Variants in GALNT10 observed in about 807,000 individuals in gnomAD.
GALNT10 encodes the protein GalNAc transferase 10.
A neutral mutation model predicts 75.0 loss-of-function variants in GALNT10; 41 were observed. The observed-to-expected ratio is 0.55, with a 90% CI of 0.43 to 0.71. GALNT10 has a LOEUF of 0.71. GALNT10 is among the 30% of genes least tolerant of loss of function. GALNT10 has a pLI of 0.00. For missense variants in GALNT10, 727 were observed against 818.5 expected, an observed-to-expected ratio of 0.89 and a Z score of 1.36; for synonymous variants, 302 against 313.0, an observed-to-expected ratio of 0.96 and a Z score of 0.37.
At chr5:154,230,692 T>C (rs1753137248) in intron 1 of GALNT10, among the ~76,000 whole-genome samples, 1 of 152,224 alleles carries the variant, frequency 6.6e-6, no homozygotes, top group African/African-American at 2.4e-5. Flanking sequence ...GGGCTCAAGA[T>C]GTGCCTCTGA....
Position 154,193,156 on chromosome 5 carries a change from G to A in GALNT10, c.159+2131G>A, listed in dbSNP as rs74584133. Among the ~76,000 whole-genome samples, 1,243 of 151,984 alleles carry A rather than the reference G, an allele frequency of 8.2e-3. 26 individuals are homozygous for A. The highest frequency in any genetic ancestry group is 0.029 in the African/African-American group (1,201 of 41,412). ...AGGAAGAAGTGGTGAAGGGGGTTTG[G>A]GGGTTTGGGGGGAATACCAACTGAT... On this transcript the variant is annotated intron_variant, in intron 1 of 11. Coordinates refer to ENST00000297107, the MANE Select transcript of GALNT10 (RefSeq NM_198321.4).
rs1201922439 is a variant in GALNT10, at chr5:154,417,828, C to T, written c.*856C>T. 1 of 152,224 alleles carries T rather than the reference C, an allele frequency of 6.6e-6. No homozygotes were observed. Among genetic ancestry groups the T allele is most frequent in the African/African-American group, 2.4e-5 (1 of 41,432 alleles). 9.4% of individuals were successfully genotyped at this position (152,224 alleles called of 1,614,324 possible). On this transcript the variant is annotated 3_prime_UTR_variant, in exon 12 of 12. Transcript: ENST00000297107. ...AAACTAGAAATGCTGGCTGATTTGC[C>T]CTGATCCATGCTTCCATTTCCCTGT...
At chr5:154,371,559 TGTGTAC>T (rs1187765784) in intron 4 of GALNT10, among the ~76,000 whole-genome samples, 37 of 51,124 alleles carry the variant, frequency 7.2e-4, no homozygotes, top group African/African-American at 1.8e-3. Context: ...TGTGTGTGTG[TGTGTAC>T]ACACACACAC....
In GALNT10 at chr5:154,190,815, C is replaced by T. The variant is rs1774844417; in HGVS notation, c.-52C>T. The T allele has an allele frequency of 8.2e-6, 7 of 853,588 alleles. No individual in the cohort carries two copies. The highest frequency in any genetic ancestry group is 8.6e-6 in the Non-Finnish European group (6 of 698,636). The allele number at this position is 853,588 out of a possible 1,614,324, so 52.9% of individuals were successfully genotyped here. A position where few individuals can be genotyped will look rare whatever the true frequency, so the allele number is the denominator to read the frequency against. On this transcript the variant is annotated 5_prime_UTR_variant, in exon 1 of 12. Transcript: ENST00000297107. ...CGGGCGGACGGGCGGACGCGCGGAG[C>T]TGGGGGCGGCGCGGCGGGGCCGGCG...
intron 1 of GALNT10, among the ~76,000 whole-genome samples, chr5:154,205,360 T>C (rs1354914475): frequency 6.6e-6 from 1 of 152,198 alleles, no homozygotes; most frequent in Admixed American, 6.5e-5. Context: ...GTAAGTAGCT[T>C]GTCTGGGATT....
chr5:154,208,014 G>T lies in GALNT10; in HGVS notation c.159+16989G>T, dbSNP rs144235013. Among the ~76,000 whole-genome samples, 160 of 152,284 alleles carry T rather than the reference G, an allele frequency of 1.1e-3. 1 individual carries two copies. Among genetic ancestry groups the T allele is most frequent in the African/African-American group, 3.7e-3 (153 of 41,548 alleles). On this transcript the variant is annotated intron_variant, in intron 1 of 11. Transcript: ENST00000297107. ...TTGCAACCAGACCAGACAAGGCAGA[G>T]GTGCTCCCAGGACAGCTCTCGAGGG...
chr5:154,400,777 T>C (rs1378243284), intron 7 of GALNT10, among the ~76,000 whole-genome samples: 1 of 149,600 alleles, frequency 6.7e-6, no homozygotes, highest in Non-Finnish European at 1.5e-5. Flanking sequence ...GAGGGAGGAG[T>C]CTATGAGGGG....
chr5:154,248,205 C>T (rs1380751736), intron 1 of GALNT10, among the ~76,000 whole-genome samples: 1 of 152,144 alleles, frequency 6.6e-6, no homozygotes, highest in South Asian at 2.1e-4. Flanking sequence ...CTGCTGGATT[C>T]GGTTTGCCAG....
At chr5:154,405,492 A>C (rs1179519920) in intron 8 of GALNT10, among the ~76,000 whole-genome samples, 1 of 151,938 alleles carries the variant, frequency 6.6e-6, no homozygotes, top group Non-Finnish European at 1.5e-5. Context: ...TTGAAGCAGG[A>C]ATCGCGTTCT....
chr5:154,199,006 A>G (rs1289603731), intron 1 of GALNT10, among the ~76,000 whole-genome samples: 1 of 152,222 alleles, frequency 6.6e-6, no homozygotes, highest in Non-Finnish European at 1.5e-5. Context: ...TGCTTCCTAA[A>G]GGCAGGAACT....
At chr5:154,316,334 G>A (rs1754593278) in intron 3 of GALNT10, among the ~76,000 whole-genome samples, 1 of 152,186 alleles carries the variant, frequency 6.6e-6, no homozygotes, top group Admixed American at 6.5e-5. Context: ...AGCTGGCCAC[G>A]TTGTCTGGGA....
At chr5:154,206,458 G>C (rs1325429335) in intron 1 of GALNT10, among the ~76,000 whole-genome samples, 1 of 152,234 alleles carries the variant, frequency 6.6e-6, no homozygotes, top group Non-Finnish European at 1.5e-5. Flanking sequence ...AAGGGACGCA[G>C]ACAAGTTCAC....
Position 154,294,611 on chromosome 5 carries a change from G to A in GALNT10, c.160-205G>A, listed in dbSNP as rs550877741. ...ATTTGTGAGTTCCTGAAAGGTAGAC[G>A]CTGCATTCTTGACATCTTGCTGACC... On this transcript the variant is annotated intron_variant, in intron 1 of 11. Transcript: ENST00000297107. 1.1e-4 allele frequency among the ~76,000 whole-genome samples: 16 copies of A among 152,084 alleles called. No homozygotes were observed. The South Asian group carries it at 1.2e-3, about 12-fold the overall frequency.
At chr5:154,262,324 A>G (rs1753711166) in intron 1 of GALNT10, among the ~76,000 whole-genome samples, 1 of 152,208 alleles carries the variant, frequency 6.6e-6, no homozygotes, top group Admixed American at 6.5e-5. Flanking sequence ...CTCTCAGCTC[A>G]GTGCTTCAAA....
Position 154,306,975 on chromosome 5 carries a change from G to A in GALNT10, c.401+8896G>A, listed in dbSNP as rs374478671. ...ATGAAACATTTACCACTTTGAAATG[G>A]TCAATTAAATTGATTAACATCTAAC... On this transcript the variant is annotated intron_variant, in intron 3 of 11. Coordinates refer to ENST00000297107, the MANE Select transcript of GALNT10 (RefSeq NM_198321.4). Among the ~76,000 whole-genome samples the A allele has an allele frequency of 1.8e-4, 27 of 152,224 alleles. 1 individual carries two copies. The East Asian group carries it at 5.2e-3, about 29-fold the overall frequency.
intron 3 of GALNT10, among the ~76,000 whole-genome samples, chr5:154,315,756 G>C (rs1041195926): frequency 1.3e-5 from 2 of 152,174 alleles, no homozygotes; most frequent in African/African-American, 4.8e-5. Flanking sequence ...TGTGGGCTTG[G>C]TCATTTCTGT....
intron 6 of GALNT10, among the ~76,000 whole-genome samples, chr5:154,383,219 C>T (rs2113181517): frequency 6.6e-6 from 1 of 152,252 alleles, no homozygotes; most frequent in East Asian, 1.9e-4. Context: ...TAGAGAAATT[C>T]TGGTCATTTT....
intron 3 of GALNT10, among the ~76,000 whole-genome samples, chr5:154,316,069 T>C (rs1455141403): frequency 6.6e-6 from 1 of 152,186 alleles, no homozygotes; most frequent in Non-Finnish European, 1.5e-5. Context: ...CAAGCATATT[T>C]AGGGCATCCA....
chr5:154,375,909 C>T (rs1003668216), intron 4 of GALNT10, among the ~76,000 whole-genome samples: 10 of 152,172 alleles, frequency 6.6e-5, no homozygotes, highest in Middle Eastern at 3.2e-3. Flanking sequence ...TCAGCCCCAC[C>T]AAAGTCTGAT....
Sources: allele counts gnomAD v4.1 joint callset (sites outside exome capture counted in the v4.1 genomes callset), GRCh38; gene constraint gnomAD v4.1.1; transcripts MANE v1.5; gene names NCBI Gene and HGNC (gene_info 2026-07-23, HGNC 2026-07-21).